GRM1: variants seen among roughly 807,000 people sequenced by gnomAD.
GRM1 encodes the protein glutamate metabotropic receptor 1.
A neutral mutation model predicts 90.9 loss-of-function variants in GRM1; 33 were observed. That is an observed-to-expected ratio of 0.36 (90% CI 0.28 to 0.49). GRM1 has a LOEUF of 0.49. Among genes scored for constraint, GRM1 ranks in the 20% least tolerant of loss-of-function variants. The pLI is 0.99. For synonymous variants in GRM1, 700 were observed against 613.2 expected, an observed-to-expected ratio of 1.14 and a Z score of -2.09; for missense variants, 1,190 against 1,534.3, an observed-to-expected ratio of 0.78 and a Z score of 3.75.
chr6:146,257,659 G>A (rs1781536067), intron 2 of GRM1, among the ~76,000 whole-genome samples: 1 of 152,084 alleles, frequency 6.6e-6, no homozygotes, highest in African/African-American at 2.4e-5. Flanking sequence ...AAGAAAGCTG[G>A]CAGTATAGTT....
intron 2 of GRM1, among the ~76,000 whole-genome samples, chr6:146,271,898 G>C (rs1157236290): frequency 3.3e-5 from 5 of 152,324 alleles, no homozygotes; most frequent in African/African-American, 9.6e-5. Flanking sequence ...ACGTCTGGTA[G>C]TCTTATGTTT....
chr6:146,326,292 A>G (rs1784397501), intron 3 of GRM1, among the ~76,000 whole-genome samples: 1 of 152,234 alleles, frequency 6.6e-6, no homozygotes, highest in Middle Eastern at 3.2e-3. Flanking sequence ...CTTTGCAGGG[A>G]CACGGATGGA....
intron 2 of GRM1, among the ~76,000 whole-genome samples, chr6:146,251,997 T>A (rs148339305): frequency 2.2e-4 from 33 of 152,310 alleles, no homozygotes; most frequent in African/African-American, 5.1e-4. Flanking sequence ...CCTGACCACC[T>A]TCATAGAATT....
chr6:146,150,927 C>T (rs890069164), intron 1 of GRM1, among the ~76,000 whole-genome samples: 4 of 87,196 alleles, frequency 4.6e-5, no homozygotes, highest in Middle Eastern at 5.4e-3. Flanking sequence ...AACACACACA[C>T]GCGTGTGCGC....
chr6:146,273,093 A>G (rs534018548), intron 2 of GRM1, among the ~76,000 whole-genome samples: 1 of 152,336 alleles, frequency 6.6e-6, no homozygotes. Flanking sequence ...TTCTTTGAAT[A>G]CTAAGTGTCT....
chr6:146,423,203 C>G (rs1010959236), intron 7 of GRM1, among the ~76,000 whole-genome samples: 15 of 152,326 alleles, frequency 9.8e-5, no homozygotes, highest in Non-Finnish European at 1.5e-4. Context: ...AGCTTTTACT[C>G]TGGCTTGCTG....
At chr6:146,386,845 T>C in intron 5 of GRM1, 45 bp from the exon 6 acceptor site, 3 of 1,516,146 alleles carry the variant, frequency 2.0e-6, no homozygotes, top group Non-Finnish European at 2.7e-6. Flanking sequence ...TAGAAGCTTT[T>C]CTGGGAAAAC....
chr6:146,098,027 A>G (rs1398633845), intron 1 of GRM1, among the ~76,000 whole-genome samples: 1 of 152,146 alleles, frequency 6.6e-6, no homozygotes. Context: ...ATGGTGCACA[A>G]GCTCCATAAA....
rs3064997 is a variant in GRM1, at chr6:146,043,782, GATATATAT to G, written c.700+13587_700+13594del. ...ACTCTATTTTTGGAAAGAGTCAGGT[GATATATAT>G]ATATATATATATATATATATAAAGG... On this transcript the variant is annotated intron_variant, in intron 1 of 7. Coordinates refer to ENST00000282753, the MANE Select transcript of GRM1 (RefSeq NM_001278064.2). Among the ~76,000 whole-genome samples, 90 of 89,984 alleles carry G rather than the reference GATATATAT, an allele frequency of 1.0e-3. 1 individual carries two copies. Among genetic ancestry groups the G allele is most frequent in the Middle Eastern group, 6.9e-3 (1 of 144 alleles). 59.0% of individuals were successfully genotyped at this position (89,984 alleles called of 152,430 possible).
At chr6:146,306,171 C>A (rs1006828739) in intron 3 of GRM1, among the ~76,000 whole-genome samples, 2 of 151,998 alleles carry the variant, frequency 1.3e-5, no homozygotes, top group African/African-American at 4.8e-5. Flanking sequence ...AGGGAGGCGG[C>A]GAAAGGCAGG....
intron 1 of GRM1, among the ~76,000 whole-genome samples, chr6:146,045,091 T>C (rs557370594): frequency 1.3e-5 from 2 of 152,108 alleles, no homozygotes; most frequent in East Asian, 3.9e-4. Context: ...CAGTGTATTG[T>C]AGATGCTTTC....
intron 1 of GRM1, among the ~76,000 whole-genome samples, chr6:146,147,256 T>C (rs1777146901): frequency 6.6e-6 from 1 of 152,218 alleles, no homozygotes; most frequent in African/African-American, 2.4e-5. Flanking sequence ...GAACGTGTTG[T>C]AGGTAAATAA....
chr6:146,196,232 A>G (rs868738706), intron 2 of GRM1, among the ~76,000 whole-genome samples: 1 of 151,874 alleles, frequency 6.6e-6, no homozygotes, highest in South Asian at 2.1e-4. Flanking sequence ...CTTTGAGGAA[A>G]TGTTGTCATT....
intron 2 of GRM1, among the ~76,000 whole-genome samples, chr6:146,269,618 A>C (rs1782039098): frequency 6.6e-6 from 1 of 152,220 alleles, no homozygotes; most frequent in African/African-American, 2.4e-5. Context: ...GTGAGCAAGC[A>C]TTACCACCTG....
At chr6:146,348,350 T>C (rs1022353307) in intron 3 of GRM1, among the ~76,000 whole-genome samples, 1 of 152,244 alleles carries the variant, frequency 6.6e-6, no homozygotes, top group Non-Finnish European at 1.5e-5. Context: ...ACAGTTGCTG[T>C]AGTAAAGGAA....
chr6:146,397,298 C>T (rs955180958), intron 6 of GRM1, among the ~76,000 whole-genome samples: 5 of 151,388 alleles, frequency 3.3e-5, no homozygotes, highest in Admixed American at 2.0e-4. Context: ...CACAGTGAAA[C>T]CCCGTCTCTA....
At chr6:146,403,757 G>A (rs1021466302) in intron 7 of GRM1, among the ~76,000 whole-genome samples, 6 of 152,006 alleles carry the variant, frequency 3.9e-5, no homozygotes, top group African/African-American at 1.4e-4. Context: ...GAAGTGGCGT[G>A]TTCTCCTCTT....
rs545939567 is a variant in GRM1, at chr6:146,119,660, A to G, written c.701-39688A>G. 8.5e-5 allele frequency among the ~76,000 whole-genome samples: 13 copies of G among 152,188 alleles called. No homozygotes were observed. In the South Asian group the frequency reaches 1.7e-3, roughly 19 times the overall value. ...ATCCAGTTTCAGCTTTCTACATATG[A>G]TTAGCCAGTTTTCCCAGCACCATTT... On this transcript the variant is annotated intron_variant, in intron 1 of 7. Coordinates refer to ENST00000282753, the MANE Select transcript of GRM1 (RefSeq NM_001278064.2).
At chr6:146,382,179 A>G (rs1776340447) in intron 5 of GRM1, among the ~76,000 whole-genome samples, 1 of 152,188 alleles carries the variant, frequency 6.6e-6, no homozygotes, top group Non-Finnish European at 1.5e-5. Context: ...TTATTGTGAC[A>G]AAAATTAAAC....
Sources: allele counts gnomAD v4.1 joint callset (sites outside exome capture counted in the v4.1 genomes callset), GRCh38; gene constraint gnomAD v4.1.1; transcripts MANE v1.5; gene names NCBI Gene and HGNC (gene_info 2026-07-23, HGNC 2026-07-21).